The following SEPTIN11 variants were observed in gnomAD, a reference collection of about 807,000 sequenced individuals.
The protein encoded by SEPTIN11 is septin 11.
In SEPTIN11, 25 loss-of-function variants were observed where a neutral mutation model predicts 51.4. The ratio of observed to expected loss-of-function variants is 0.49; its 90% CI spans 0.35 to 0.68. The LOEUF (loss-of-function observed/expected upper bound fraction) is 0.68, where lower values mean the gene tolerates loss of function less well. Among genes scored for constraint, SEPTIN11 ranks in the 30% least tolerant of loss-of-function variants. The pLI is 0.00. For missense variants in SEPTIN11, 381 were observed against 520.8 expected (o/e 0.73, Z 2.61); for synonymous variants, 174 against 184.1 (o/e 0.95, Z 0.44).
chr4:76,975,355 C>T (rs1319185635), intron 1 of SEPTIN11, among the ~76,000 whole-genome samples: 1 of 152,116 alleles, frequency 6.6e-6, no homozygotes, highest in Non-Finnish European at 1.5e-5. Context: ...ATACTTTCTA[C>T]AAACATGAAG....
chr4:76,986,660 A>G (rs1017030643), intron 1 of SEPTIN11, among the ~76,000 whole-genome samples: 1 of 152,130 alleles, frequency 6.6e-6, no homozygotes, highest in Non-Finnish European at 1.5e-5. Flanking sequence ...CACTTTTCCG[A>G]TTCCTCCTGT....
Position 77,024,424 on chromosome 4 carries a change from G to A in SEPTIN11, c.953+3754G>A, listed in dbSNP as rs116044266. Among the ~76,000 whole-genome samples the A allele has an allele frequency of 5.8e-3, 874 of 151,082 alleles. 8 individuals are homozygous for A. The highest frequency in any genetic ancestry group is 0.02 in the African/African-American group (816 of 40,612). On this transcript the variant is annotated intron_variant, in intron 7 of 9. Transcript: ENST00000264893. The surrounding 1 kb of genome is among the most constrained non-coding windows in gnomAD (Gnocchi z 4.2). ...CACCCATGCTTCCCTGGACCCAGGC[G>A]TCTCCTTCCTCCAGACCCCAGCCCC...
Position 76,980,686 on chromosome 4 carries a change from T to G in SEPTIN11, c.28-15739T>G, listed in dbSNP as rs986067628. On this transcript the variant is annotated intron_variant, in intron 1 of 9. Transcript: ENST00000264893. Reference sequence around the variant, plus strand: ...GGAAAGTAGTTCTTGTTTTTGCCAGTGTAATCATCACTTATTTCCCTTAGC... The same window carrying G: ...GGAAAGTAGTTCTTGTTTTTGCCAGGGTAATCATCACTTATTTCCCTTAGC... 7.9e-5 allele frequency among the ~76,000 whole-genome samples: 12 copies of G among 152,338 alleles called. No homozygotes were observed. In the East Asian group the frequency reaches 2.1e-3, roughly 27 times the overall value.
At chr4:76,994,512 A>G (rs883698) in intron 1 of SEPTIN11, among the ~76,000 whole-genome samples, 58,965 of 151,958 alleles carry the variant, frequency 0.39, 11,745 homozygotes, top group Non-Finnish European at 0.43. Flanking sequence ...ATAAGTGCCT[A>G]CTCTTGAGTC....
At chr4:76,980,296 A>C (rs10016594) in intron 1 of SEPTIN11, among the ~76,000 whole-genome samples, 58,844 of 152,100 alleles carry the variant, frequency 0.39, 11,686 homozygotes, top group Non-Finnish European at 0.43. Context: ...AAAGCTTCAC[A>C]AGTTTGTCTG....
At chr4:76,978,303 T>C (rs1178627135) in intron 1 of SEPTIN11, among the ~76,000 whole-genome samples, 1 of 152,172 alleles carries the variant, frequency 6.6e-6, no homozygotes, top group Non-Finnish European at 1.5e-5. Flanking sequence ...GCTTTCCTTG[T>C]GTGCTCTTAC....
chr4:77,030,546 G>A (rs927164472), intron 8 of SEPTIN11, among the ~76,000 whole-genome samples: 2 of 151,918 alleles, frequency 1.3e-5, no homozygotes, highest in African/African-American at 4.8e-5. Flanking sequence ...ACAGGCACCC[G>A]CCACCACGCC....
chr4:77,019,353 C>T, intron 6 of SEPTIN11, 92 bp downstream of exon 6: 1 of 1,083,962 alleles, frequency 9.2e-7, no homozygotes. Flanking sequence ...TAGGGAGGCC[C>T]TCAACAGTGG....
At chr4:76,968,791 C>T (rs1308914770) in intron 1 of SEPTIN11, among the ~76,000 whole-genome samples, 1 of 152,172 alleles carries the variant, frequency 6.6e-6, no homozygotes, top group Non-Finnish European at 1.5e-5. Context: ...GATATCCAGC[C>T]ATTTCTCAAC....
At chr4:76,967,226 A>G (rs1213858742) in intron 1 of SEPTIN11, among the ~76,000 whole-genome samples, 2 of 152,160 alleles carry the variant, frequency 1.3e-5, no homozygotes, top group African/African-American at 2.4e-5. Context: ...GCTTAACCTG[A>G]TGTAGCTATA....
intron 1 of SEPTIN11, among the ~76,000 whole-genome samples, chr4:76,966,963 G>A (rs540531097): frequency 3.3e-5 from 5 of 152,096 alleles, no homozygotes; most frequent in Admixed American, 6.6e-5. Context: ...TTGGGAGGCC[G>A]AGGTGGGCAG....
In SEPTIN11 at chr4:77,027,125, C is replaced by T. The variant is rs1283059387; in HGVS notation, c.954-1504C>T. 4.6e-5 allele frequency among the ~76,000 whole-genome samples: 7 copies of T among 152,108 alleles called. No individual in the cohort carries two copies. In the East Asian group the frequency reaches 1.3e-3, roughly 29 times the overall value. On this transcript the variant is annotated intron_variant, in intron 7 of 9. Transcript: ENST00000264893. ...ACCGTGTTAATTATTGAAGTATAAA[C>T]CAGCCTGATTAATATGTTTTCTTTT...
At chr4:77,008,050 C>A (rs1405260014) in intron 3 of SEPTIN11, among the ~76,000 whole-genome samples, 4 of 152,170 alleles carry the variant, frequency 2.6e-5, no homozygotes, top group African/African-American at 9.7e-5. Flanking sequence ...TGTCAACATT[C>A]CTGTATTATT....
intron 1 of SEPTIN11, among the ~76,000 whole-genome samples, chr4:76,981,979 T>C (rs912511889): frequency 1.3e-5 from 2 of 152,176 alleles, no homozygotes; most frequent in Admixed American, 1.3e-4. Flanking sequence ...CTCCCCCAAG[T>C]GACACTCGAA....
chr4:77,031,010 A>T, intron 9 of SEPTIN11, 40 bp downstream of exon 9: 1 of 1,540,380 alleles, frequency 6.5e-7, no homozygotes, highest in Non-Finnish European at 8.8e-7. Context: ...GACCTCTAAC[A>T]ATTTATTCCT....
chr4:77,029,759 TATATATATACACACACACACAC>T (rs1270036331), intron 8 of SEPTIN11, among the ~76,000 whole-genome samples: 36 of 150,900 alleles, frequency 2.4e-4, no homozygotes, highest in African/African-American at 8.6e-4. Context: ...AATGCATATA[TATATATATACACACACACACAC>T]ATATATATAC....
At chr4:77,030,437 A>T (rs903989947) in intron 8 of SEPTIN11, among the ~76,000 whole-genome samples, 4 of 151,350 alleles carry the variant, frequency 2.6e-5, no homozygotes, top group Admixed American at 6.6e-5. Flanking sequence ...AGTCTCTGTC[A>T]CCCAGGCTGG....
At chr4:76,953,806 T>C (rs1379593152) in intron 1 of SEPTIN11, among the ~76,000 whole-genome samples, 1 of 152,194 alleles carries the variant, frequency 6.6e-6, no homozygotes, top group Non-Finnish European at 1.5e-5. Flanking sequence ...TTTTAAATTA[T>C]CATCTTTAAA....
At chr4:77,015,608 T>G (rs758331408) in intron 5 of SEPTIN11, among the ~76,000 whole-genome samples, 1 of 152,206 alleles carries the variant, frequency 6.6e-6, no homozygotes, top group Non-Finnish European at 1.5e-5. Context: ...TACTCTTTTG[T>G]GTGTCTCACA....
Sources: allele counts gnomAD v4.1 joint callset (sites outside exome capture counted in the v4.1 genomes callset), GRCh38; gene constraint gnomAD v4.1.1; non-coding constraint Gnocchi (gnomAD v3.1); transcripts MANE v1.5; gene names NCBI Gene and HGNC (gene_info 2026-07-23, HGNC 2026-07-21).